The following GALNT13 variants were observed in gnomAD, a reference collection of about 807,000 sequenced individuals.
The protein encoded by GALNT13 is UDP-GalNAc:polypeptide N-acetylgalactosaminyltransferase 13.
In GALNT13, 28 loss-of-function variants were observed where a neutral mutation model predicts 64.2. That is an observed-to-expected ratio of 0.44 (90% CI 0.32 to 0.60). The LOEUF (loss-of-function observed/expected upper bound fraction) is 0.60, where lower values mean the gene tolerates loss of function less well. Ranked by LOEUF, GALNT13 falls within the 20% of genes least tolerant of loss-of-function variation. The probability of loss-of-function intolerance (pLI) is 0.05; values close to 1 mark genes in which losing one functional copy is unlikely to be tolerated. For missense variants in GALNT13, 577 were observed against 669.8 expected (o/e 0.86, Z 1.53); for synonymous variants, 214 against 224.6 (o/e 0.95, Z 0.42).
chr2:153,729,953 A>C, the GALNT13 span, among the ~76,000 whole-genome samples: 2 of 111,870 alleles, frequency 1.8e-5, no homozygotes, highest in Non-Finnish European at 3.4e-5. Flanking sequence ...AAATACATGC[A>C]AAAAAAAAAT....
intron 8 of GALNT13, among the ~76,000 whole-genome samples, chr2:154,298,517 AT>A (rs367611718): frequency 1.2e-5 from 1 of 86,378 alleles, no homozygotes; most frequent in Non-Finnish European, 2.4e-5. Flanking sequence ...TAAATTATAT[AT>A]TATATATAAA....
At chr2:153,445,032 T>A in the GALNT13 span, among the ~76,000 whole-genome samples, 1 of 152,340 alleles carries the variant, frequency 6.6e-6, no homozygotes, top group Non-Finnish European at 1.5e-5. Flanking sequence ...TGAGTTCCTA[T>A]TACTCAACAT....
chr2:153,467,517 G>A, the GALNT13 span, among the ~76,000 whole-genome samples: 1 of 152,058 alleles, frequency 6.6e-6, no homozygotes, highest in African/African-American at 2.4e-5. Context: ...CTCAGATCTA[G>A]ATTTACATCT....
the GALNT13 span, among the ~76,000 whole-genome samples, chr2:153,248,550 C>T: frequency 6.6e-6 from 1 of 151,672 alleles, no homozygotes; most frequent in Non-Finnish European, 1.5e-5. Context: ...CGTGGTGGCT[C>T]AGCCTGTAAT....
intron 11 of GALNT13, among the ~76,000 whole-genome samples, chr2:154,417,521 A>ATTTTTTTTTTTTTTTTTTTT (rs1238225224): frequency 7.2e-6 from 1 of 139,052 alleles, no homozygotes; most frequent in African/African-American, 2.8e-5. Context: ...TTATTTATTT[A>ATTTTTTTTTTTTTTTTTTTT]TTTTTTTGAG....
intron 9 of GALNT13, among the ~76,000 whole-genome samples, chr2:154,363,364 G>C (rs1008650869): frequency 3.3e-5 from 5 of 151,816 alleles, no homozygotes; most frequent in Non-Finnish European, 5.9e-5. Context: ...ACTTTTTTTT[G>C]TGGAGCGGGG....
At chr2:153,937,375 CA>C (rs1691012556) in intron 2 of GALNT13, among the ~76,000 whole-genome samples, 1 of 152,130 alleles carries the variant, frequency 6.6e-6, no homozygotes, top group African/African-American at 2.4e-5. Context: ...TGAGAGAAGA[CA>C]GTCATGAAGG....
chr2:153,834,224 A>G, the GALNT13 span, among the ~76,000 whole-genome samples: 1 of 152,118 alleles, frequency 6.6e-6, no homozygotes, highest in Non-Finnish European at 1.5e-5. Flanking sequence ...GCCCTACCAC[A>G]GGCTGGACAC....
chr2:153,076,372 A>G, the GALNT13 span, among the ~76,000 whole-genome samples: 1 of 152,170 alleles, frequency 6.6e-6, no homozygotes, highest in African/African-American at 2.4e-5. Flanking sequence ...GCATTATATA[A>G]AAGTTTTAAA....
chr2:153,407,402 C>T, the GALNT13 span, among the ~76,000 whole-genome samples: 1 of 152,154 alleles, frequency 6.6e-6, no homozygotes, highest in Non-Finnish European at 1.5e-5. Flanking sequence ...GGGTTAAATG[C>T]TCAACTGGCT....
At chr2:153,130,564 TCTTCCCATC>T in the GALNT13 span, among the ~76,000 whole-genome samples, 3,316 of 152,160 alleles carry the variant, frequency 0.022, 77 homozygotes, top group Non-Finnish European at 0.033. Context: ...CTTTTATCCA[TCTTCCCATC>T]CTTCAATACA....
the GALNT13 span, among the ~76,000 whole-genome samples, chr2:153,638,343 C>A: frequency 2.6e-5 from 4 of 151,872 alleles, no homozygotes; most frequent in Non-Finnish European, 5.9e-5. Context: ...TGAGAATGGG[C>A]AATATGAAGG....
At chr2:153,281,937 A>ATT in the GALNT13 span, among the ~76,000 whole-genome samples, 1 of 150,332 alleles carries the variant, frequency 6.7e-6, no homozygotes, top group African/African-American at 2.5e-5. Flanking sequence ...TTATATTTGG[A>ATT]TGTTTACCTG....
At chr2:153,658,326 T>A in the GALNT13 span, among the ~76,000 whole-genome samples, 1 of 152,140 alleles carries the variant, frequency 6.6e-6, no homozygotes, top group African/African-American at 2.4e-5. Context: ...GGCCAACTAC[T>A]GAGCCCTGGT....
At chr2:154,410,180 G>T (rs1347311285) in intron 11 of GALNT13, among the ~76,000 whole-genome samples, 1 of 151,892 alleles carries the variant, frequency 6.6e-6, no homozygotes, top group African/African-American at 2.4e-5. Context: ...ATTCAGAAAT[G>T]ATTCCATTTA....
the GALNT13 span, among the ~76,000 whole-genome samples, chr2:153,742,011 T>A: frequency 0.082 from 12,493 of 152,174 alleles, 1,121 homozygotes; most frequent in African/African-American, 0.22. Context: ...CTCAATGATT[T>A]TGAAATGTAC....
chr2:153,718,930 G>T, the GALNT13 span, among the ~76,000 whole-genome samples: 2 of 152,004 alleles, frequency 1.3e-5, no homozygotes, highest in Non-Finnish European at 2.9e-5. Context: ...AAACACGGGG[G>T]TTCTCTGTTT....
chr2:153,371,218 A>G, the GALNT13 span, among the ~76,000 whole-genome samples: 1 of 152,238 alleles, frequency 6.6e-6, no homozygotes, highest in Non-Finnish European at 1.5e-5. Context: ...CCAAAAGCCT[A>G]CATAAAACTT....
chr2:154,123,147 C>A (rs1682052549), intron 3 of GALNT13, among the ~76,000 whole-genome samples: 1 of 151,920 alleles, frequency 6.6e-6, no homozygotes, highest in African/African-American at 2.4e-5. Flanking sequence ...GAAATTTTTT[C>A]TAGCAGACTT....
Sources: gnomAD v4.1 joint callset for allele counts (sites outside exome capture counted in the v4.1 genomes callset) on GRCh38, gnomAD v4.1.1 for gene constraint, MANE v1.5 for transcripts, NCBI Gene and HGNC (gene_info 2026-07-23, HGNC 2026-07-21) for gene names.